Variants in ACKR3 observed in about 807,000 individuals in gnomAD.
ACKR3 encodes C-X-C chemokine receptor type 7.
In ACKR3, 6 loss-of-function variants were observed where a neutral mutation model predicts 22.4. The observed-to-expected ratio is 0.27, with a 90% CI of 0.15 to 0.53. The LOEUF is 0.53. ACKR3 is among the 20% of genes least tolerant of loss of function. The pLI, the probability that ACKR3 is intolerant of heterozygous loss-of-function variation, is 0.96. For missense variants in ACKR3, 396 were observed against 475.2 expected, an observed-to-expected ratio of 0.83 and a Z score of 1.55; for synonymous variants, 209 against 205.2, an observed-to-expected ratio of 1.02 and a Z score of -0.16.
In ACKR3 at chr2:236,581,104, G is replaced by A; in HGVS notation, c.639G>A (p.Glu213=). 2 of 1,614,210 alleles carry A rather than the reference G, an allele frequency of 1.2e-6. No individual in the cohort carries two copies. Among genetic ancestry groups the A allele is most frequent in the East Asian group, 2.2e-5 (1 of 44,886 alleles). ...TCAAGGAGTGGCTGATCGGCATGGA[G>A]CTGGTCTCCGTTGTCTTGGGCTTTG... ...HSIKEWLIGM[E]LVSVVLGFAV... The change falls in exon 2 of 2, where the codon GAG becomes GAA. Residue 213 remains glutamate (E), a synonymous_variant. Transcript: ENST00000272928. This position sits in a 1 kb window ranked among gnomAD's most constrained non-coding sequence, Gnocchi z 4.4.
At chr2:236,552,285 G>A in the ACKR3 span, among the ~76,000 whole-genome samples, 2 of 152,172 alleles carry the variant, frequency 1.3e-5, no homozygotes, top group African/African-American at 2.4e-5. Context: ...ATGTGAGGGC[G>A]TCGGAGGGGA....
At chr2:236,541,751 G>T in the ACKR3 span, among the ~76,000 whole-genome samples, 1 of 152,158 alleles carries the variant, frequency 6.6e-6, no homozygotes, top group Admixed American at 6.5e-5. Flanking sequence ...GGAGATAATT[G>T]AATTATGGTG....
the ACKR3 span, among the ~76,000 whole-genome samples, chr2:236,537,130 T>G: frequency 6.6e-6 from 1 of 152,268 alleles, no homozygotes; most frequent in Admixed American, 6.5e-5. Flanking sequence ...GCCCCAAATC[T>G]CTCACCACTG....
the ACKR3 span, among the ~76,000 whole-genome samples, chr2:236,550,123 G>C: frequency 1.3e-5 from 2 of 152,218 alleles, no homozygotes; most frequent in Non-Finnish European, 2.9e-5. The surrounding 1 kb of genome is among the most constrained non-coding windows in gnomAD (Gnocchi z 4.6). Context: ...GTGGATTCCT[G>C]TGGGTGCATA....
chr2:236,563,565 C>G (rs1175942431), upstream of ACKR3, among the ~76,000 whole-genome samples: 1 of 152,186 alleles, frequency 6.6e-6, no homozygotes, highest in Non-Finnish European at 1.5e-5. Flanking sequence ...GGCCACATAA[C>G]AGGCCAGAAA....
chr2:236,564,969 T>C (rs1049070911), upstream of ACKR3, among the ~76,000 whole-genome samples: 10 of 152,152 alleles, frequency 6.6e-5, no homozygotes, highest in African/African-American at 2.4e-4. Context: ...AACAGAAAGA[T>C]GGGAAAACAT....
the ACKR3 span, among the ~76,000 whole-genome samples, chr2:236,559,280 A>G: frequency 2.0e-5 from 3 of 152,252 alleles, no homozygotes; most frequent in African/African-American, 7.2e-5. Context: ...TGAGAATGAA[A>G]AATTTCAAAT....
chr2:236,543,470 C>A, the ACKR3 span, among the ~76,000 whole-genome samples: 1 of 152,188 alleles, frequency 6.6e-6, no homozygotes, highest in Non-Finnish European at 1.5e-5. Context: ...CCTTTACCCA[C>A]ACTGAGAGTA....
At chr2:236,544,310 A>C in the ACKR3 span, among the ~76,000 whole-genome samples, 2 of 152,112 alleles carry the variant, frequency 1.3e-5, no homozygotes, top group Non-Finnish European at 2.9e-5. This position sits in a 1 kb window ranked among gnomAD's most constrained non-coding sequence, Gnocchi z 5.0. Context: ...TTATAAGGAC[A>C]AAAAAGGATC....
At chr2:236,553,099 T>G in the ACKR3 span, among the ~76,000 whole-genome samples, 4 of 152,234 alleles carry the variant, frequency 2.6e-5, no homozygotes, top group Non-Finnish European at 5.9e-5. Flanking sequence ...GCACAACACC[T>G]GGCTCCACCT....
rs1574979179 is a variant in ACKR3 at position 236,581,320 on chromosome 2, C to T, written c.855C>T (p.Phe285=). The T allele has an allele frequency of 6.2e-7, 1 of 1,613,982 alleles. No homozygotes were observed. Among genetic ancestry groups the T allele is most frequent in the Non-Finnish European group, 8.5e-7 (1 of 1,179,894 alleles). The stretch of plus-strand genomic sequence containing the variant: ...TCTCCATCCTGCACTACATCCCTTT[C>T]ACCTGCCGGCTGGAGCACGCCCTCT... ...DIFSILHYIP[F]TCRLEHALFT... The change falls in exon 2 of 2, where the codon TTC becomes TTT. Residue 285 remains phenylalanine, a synonymous_variant. Coordinates refer to ENST00000272928, the MANE Select transcript of ACKR3 (RefSeq NM_020311.3). The surrounding 1 kb of genome is among the most constrained non-coding windows in gnomAD (Gnocchi z 4.4).
the ACKR3 span, among the ~76,000 whole-genome samples, chr2:236,561,862 T>C: frequency 2.1e-3 from 320 of 152,362 alleles, 8 homozygotes; most frequent in South Asian, 0.031. Context: ...GTTTTTGAAG[T>C]TGTTTTGTAC....
rs1224114115 is a variant in ACKR3, at chr2:236,582,059, A to G, written c.*505A>G. 1.2e-5 allele frequency: 2 copies of G among 163,780 alleles called. No homozygotes were observed. The highest frequency in any genetic ancestry group is 3.0e-5 in the Non-Finnish European group (2 of 67,498). The allele number at this position is 163,780 out of a possible 1,614,324, so 10.1% of individuals were successfully genotyped here. ...ATGACACTAATTGTTAGCTGTTTTGAAATTATATATATATAAATATATATA... is the reference window on the plus strand; with the variant it reads ...ATGACACTAATTGTTAGCTGTTTTGGAATTATATATATATAAATATATATA... On this transcript the variant is annotated 3_prime_UTR_variant, in exon 2 of 2. Coordinates refer to ENST00000272928, the MANE Select transcript of ACKR3 (RefSeq NM_020311.3).
the ACKR3 span, among the ~76,000 whole-genome samples, chr2:236,553,000 G>T: frequency 6.6e-6 from 1 of 152,226 alleles, no homozygotes; most frequent in Non-Finnish European, 1.5e-5. Context: ...ATTGGCCCAT[G>T]CTTGGTGGTT....
chr2:236,555,835 AAG>A, the ACKR3 span, among the ~76,000 whole-genome samples: 1 of 150,586 alleles, frequency 6.6e-6, no homozygotes, highest in Non-Finnish European at 1.5e-5. Flanking sequence ...AAAAAAAAAA[AAG>A]AAGCAGGAGG....
chr2:236,567,895 TG>T (rs1246846395), upstream of ACKR3: 1 of 130,290 alleles, frequency 7.7e-6, no homozygotes, highest in Non-Finnish European at 1.7e-5. Context: ...GGGCCGTGGG[TG>T]GGTGCGGGGC....
At chr2:236,575,884 A>C (rs1459458942) in intron 1 of ACKR3, among the ~76,000 whole-genome samples, 2 of 152,044 alleles carry the variant, frequency 1.3e-5, no homozygotes, top group Non-Finnish European at 2.9e-5. Context: ...GCTTTAAAAA[A>C]CATCTTGTGT....
rs141039459 is a variant in ACKR3, at chr2:236,581,038, C to A, written c.573C>A (p.Asn191Lys). 2.2e-5 allele frequency: 36 copies of A among 1,614,120 alleles called. No homozygotes were observed. Among genetic ancestry groups the A allele is most frequent in the Non-Finnish European group, 3.0e-5 (35 of 1,180,060 alleles). The change falls in exon 2 of 2, where the codon AAC becomes AAA. Residue 191 changes from asparagine (N) to lysine (K), a missense_variant. By Grantham distance (94) the Asn-to-Lys change is moderately conservative. Coordinates refer to ENST00000272928, the MANE Select transcript of ACKR3 (RefSeq NM_020311.3). The surrounding 1 kb of genome is among the most constrained non-coding windows in gnomAD (Gnocchi z 4.4). Reference protein sequence around the residue: ...YYLKTVTSASNNETYCRSFYP... With the variant: ...YYLKTVTSASKNETYCRSFYP... ...TGAAGACCGTCACGTCTGCGTCCAA[C>A]AATGAGACCTACTGCCGGTCCTTCT...
rs1303314248 is a variant in ACKR3 at position 236,574,509 on chromosome 2, C to T, written c.-27+4585C>T. ...GGAGAATCAGAAGGGCAGAGGGCAT[C>T]AGTTGGGAAGAGTCTGTGGTTGGAG... On this transcript the variant is annotated intron_variant, in intron 1 of 1. Transcript: ENST00000272928. This position sits in a 1 kb window ranked among gnomAD's most constrained non-coding sequence, Gnocchi z 5.6. Among the ~76,000 whole-genome samples the T allele has an allele frequency of 6.6e-6, 1 of 152,024 alleles. No homozygotes were observed. Among genetic ancestry groups the T allele is most frequent in the Non-Finnish European group, 1.5e-5 (1 of 68,000 alleles).
Sources: allele counts gnomAD v4.1 joint callset (sites outside exome capture counted in the v4.1 genomes callset), GRCh38; gene constraint gnomAD v4.1.1; non-coding constraint Gnocchi (gnomAD v3.1); transcripts MANE v1.5; gene names NCBI Gene and HGNC (gene_info 2026-07-23, HGNC 2026-07-21).